The following UGGT2 variants were observed in gnomAD, a reference collection of about 807,000 sequenced individuals.
UGGT2 encodes UDP-glucose:glycoprotein glucosyltransferase 2.
A neutral mutation model predicts 192.1 loss-of-function variants in UGGT2; 180 were observed. The observed-to-expected ratio is 0.94, with a 90% CI of 0.83 to 1.06. The LOEUF (loss-of-function observed/expected upper bound fraction) is 1.06. UGGT2 is among the 50% of genes least tolerant of loss of function. UGGT2 has a pLI of 0.00. For missense variants in UGGT2, 1,849 were observed against 1,795.7 expected (o/e 1.03, Z -0.54); for synonymous variants, 580 against 591.0 (o/e 0.98, Z 0.27).
At chr13:96,000,705 T>C (rs1307231610) in intron 5 of UGGT2, among the ~76,000 whole-genome samples, 1 of 152,172 alleles carries the variant, frequency 6.6e-6, no homozygotes, top group Non-Finnish European at 1.5e-5. Flanking sequence ...CAATTTCCAT[T>C]ATCAGTTCTG....
At position 95,904,834 on chromosome 13, in the gene UGGT2, T is replaced by C. The variant is rs796863928; in HGVS notation, c.2296-1774A>G. 8.8e-3 allele frequency among the ~76,000 whole-genome samples: 1,333 copies of C among 151,892 alleles called. 10 individuals are homozygous for C. Among genetic ancestry groups the C allele is most frequent in the South Asian group, 0.033 (156 of 4,790 alleles). Reference sequence around the variant, plus strand: ...CCAGTAATGGGATGGCTGGGTCAAATGGTATTTCTAGTTCTAGATCCCTGA... The same window carrying C: ...CCAGTAATGGGATGGCTGGGTCAAACGGTATTTCTAGTTCTAGATCCCTGA... On this transcript the variant is annotated intron_variant, in intron 20 of 38. Coordinates refer to ENST00000376747, the MANE Select transcript of UGGT2 (RefSeq NM_020121.4).
intron 17 of UGGT2, among the ~76,000 whole-genome samples, chr13:95,929,065 G>A (rs148764666): frequency 1.6e-4 from 24 of 152,176 alleles, no homozygotes; most frequent in East Asian, 1.4e-3. Context: ...GTGGCGGCGC[G>A]CGCCTGCAAT....
chr13:96,018,739 GA>G (rs35069819), intron 4 of UGGT2, among the ~76,000 whole-genome samples: 56,927 of 141,256 alleles, frequency 0.4, 11,050 homozygotes, highest in Middle Eastern at 0.46. Flanking sequence ...TGTTATAATT[GA>G]AAAAAAAAAC....
At chr13:95,815,685 CA>C (rs1294842232) in intron 38 of UGGT2, among the ~76,000 whole-genome samples, 6 of 151,918 alleles carry the variant, frequency 3.9e-5, no homozygotes, top group African/African-American at 1.4e-4. Flanking sequence ...TTTTGTTTTC[CA>C]AAGAAATTCA....
intron 12 of UGGT2, among the ~76,000 whole-genome samples, chr13:95,954,382 C>T (rs1432920026): frequency 6.6e-6 from 1 of 152,096 alleles, no homozygotes. Flanking sequence ...TCAGACAGGC[C>T]TCATTATTCC....
At chr13:95,898,780 C>T (rs932591498) in intron 22 of UGGT2, among the ~76,000 whole-genome samples, 2 of 152,214 alleles carry the variant, frequency 1.3e-5, no homozygotes, top group Admixed American at 6.5e-5. Flanking sequence ...TGCCTTCTGC[C>T]GTATGAGGAT....
intron 5 of UGGT2, among the ~76,000 whole-genome samples, chr13:96,001,981 T>C (rs1331486324): frequency 6.6e-6 from 1 of 152,232 alleles, no homozygotes; most frequent in African/African-American, 2.4e-5. Context: ...ACATGTGACA[T>C]GAAAAATATG....
At chr13:95,965,805 CTAAT>C (rs1206252344) in intron 12 of UGGT2, among the ~76,000 whole-genome samples, 1 of 151,950 alleles carries the variant, frequency 6.6e-6, no homozygotes, top group African/African-American at 2.4e-5. Flanking sequence ...TTCAACATCA[CTAAT>C]TATTAGATAA....
At chr13:95,992,328 G>C (rs947568560) in intron 7 of UGGT2, among the ~76,000 whole-genome samples, 1 of 152,146 alleles carries the variant, frequency 6.6e-6, no homozygotes, top group African/African-American at 2.4e-5. Context: ...CATGAGCATG[G>C]AATGTTTTTC....
At chr13:96,016,421 G>A (rs2052339130) in intron 4 of UGGT2, among the ~76,000 whole-genome samples, 1 of 152,176 alleles carries the variant, frequency 6.6e-6, no homozygotes, top group South Asian at 2.1e-4. Context: ...AGGAAAGAAT[G>A]CTCACTGCCC....
At chr13:96,005,593 A>G (rs1054250141) in intron 5 of UGGT2, among the ~76,000 whole-genome samples, 2 of 152,242 alleles carry the variant, frequency 1.3e-5, no homozygotes, top group South Asian at 4.1e-4. Context: ...GACGGGAGAA[A>G]TGGAACAGAT....
chr13:95,833,660 C>G (rs961134395), intron 37 of UGGT2, among the ~76,000 whole-genome samples: 2 of 152,142 alleles, frequency 1.3e-5, no homozygotes, highest in African/African-American at 4.8e-5. Flanking sequence ...TGATAAGAGT[C>G]TGACACACTA....
At chr13:95,933,951 TG>T (rs2049375312) in intron 17 of UGGT2, among the ~76,000 whole-genome samples, 1 of 152,212 alleles carries the variant, frequency 6.6e-6, no homozygotes, top group African/African-American at 2.4e-5. Flanking sequence ...CCCAAAGTGC[TG>T]GGATTACAGG....
intron 7 of UGGT2, among the ~76,000 whole-genome samples, chr13:95,994,072 G>T (rs2051541641): frequency 6.6e-6 from 1 of 151,808 alleles, no homozygotes; most frequent in Non-Finnish European, 1.5e-5. Flanking sequence ...TTTTCTTTGG[G>T]GCTATACATT....
chr13:95,883,319 T>C (rs960876366), intron 27 of UGGT2, among the ~76,000 whole-genome samples: 20 of 152,166 alleles, frequency 1.3e-4, no homozygotes, highest in Admixed American at 1.3e-3. Flanking sequence ...GGCTATATTC[T>C]ACAGGAGGTA....
intron 10 of UGGT2, among the ~76,000 whole-genome samples, chr13:95,978,215 CAAAAAAG>C: frequency 1.3e-5 from 2 of 151,936 alleles, no homozygotes; most frequent in Middle Eastern, 6.8e-3. Context: ...AGCAAACTTA[CAAAAAAG>C]AAAAAAGTCA....
intron 2 of UGGT2, among the ~76,000 whole-genome samples, chr13:96,025,896 G>GA (rs1341236170): frequency 6.6e-6 from 1 of 152,096 alleles, no homozygotes; most frequent in Non-Finnish European, 1.5e-5. Flanking sequence ...AGGAGAAACA[G>GA]AATATGCAGA....
In UGGT2 at chr13:95,859,651, A is replaced by G; in HGVS notation, c.3765T>C (p.Arg1255=). 1 of 1,609,882 alleles carries G rather than the reference A, an allele frequency of 6.2e-7. No individual in the cohort carries two copies. The highest frequency in any genetic ancestry group is 8.5e-7 in the Non-Finnish European group (1 of 1,177,700). Residue 1255 remains arginine (R), a synonymous_variant, in exon 33 of 39, where the codon CGT becomes CGC. Transcript: ENST00000376747. ...AGAATTTCACTGGTGTTTTGGTGTT[A>G]CGCAAAACAGAAAGCATCATAATTC... ...FLRIMMLSVL[R]NTKTPVKFWL...
In UGGT2 at chr13:95,863,765, C is replaced by T. The variant is rs528816867; in HGVS notation, c.3559-51G>A. On this transcript the variant is annotated intron_variant, in intron 30 of 38. Coordinates refer to ENST00000376747, the MANE Select transcript of UGGT2 (RefSeq NM_020121.4). ...GAATTTGGCTGCTTTAAATATTGTGCTGTATGGTTAGAAAGTGAAACATAT... is the reference window on the plus strand; with the variant it reads ...GAATTTGGCTGCTTTAAATATTGTGTTGTATGGTTAGAAAGTGAAACATAT... 8 of 1,422,062 alleles carry T rather than the reference C, an allele frequency of 5.6e-6. No homozygotes were observed. The East Asian group carries it at 1.8e-4, about 32-fold the overall frequency. 88.1% of individuals were successfully genotyped at this position (1,422,062 alleles called of 1,614,324 possible).
Sources: gnomAD v4.1 joint callset for allele counts (sites outside exome capture counted in the v4.1 genomes callset) on GRCh38, gnomAD v4.1.1 for gene constraint, MANE v1.5 for transcripts, NCBI Gene and HGNC (gene_info 2026-07-23, HGNC 2026-07-21) for gene names.